Variants in CACNA1D observed in about 807,000 individuals in gnomAD.
CACNA1D encodes calcium voltage-gated channel subunit alpha1 D.
Under a neutral mutation model 257.1 loss-of-function variants are expected in CACNA1D, and 55 were observed. The observed-to-expected ratio is 0.21, with a 90% confidence interval of 0.17 to 0.27. The LOEUF is 0.27. Ranked by LOEUF, CACNA1D falls within the 10% of genes least tolerant of loss-of-function variation. The pLI is 1.00. For synonymous variants in CACNA1D, 980 were observed against 1,014.9 expected (o/e 0.97, Z 0.65); for missense variants, 1,876 against 2,784.0 (o/e 0.67, Z 7.34).
chr3:53,540,715 T>A (rs1310177586), intron 3 of CACNA1D, among the ~76,000 whole-genome samples: 1 of 152,232 alleles, frequency 6.6e-6, no homozygotes, highest in East Asian at 1.9e-4. Context: ...GCCAGTCGGC[T>A]TCATTCTTTG....
chr3:53,673,602 G>A lies in CACNA1D; in HGVS notation c.1220+476G>A. 1.2e-6 allele frequency: 1 copy of A among 817,018 alleles called. No homozygotes were observed. The highest frequency in any genetic ancestry group is 1.4e-5 in the South Asian group (1 of 73,444). The allele number at this position is 817,018 out of a possible 1,614,324, so 50.6% of individuals were successfully genotyped here. Reference sequence around the variant, plus strand: ...AGGGAAGGACCTAGGCCCAGTCCCTGTCCTAGGAGCACTAACCTTCAGCAA... The same window carrying A: ...AGGGAAGGACCTAGGCCCAGTCCCTATCCTAGGAGCACTAACCTTCAGCAA... On this transcript the variant is annotated intron_variant, in intron 8 of 47. Coordinates refer to ENST00000350061, the MANE Select transcript of CACNA1D (RefSeq NM_001128840.3). The surrounding 1 kb of genome is among the most constrained non-coding windows in gnomAD (Gnocchi z 4.1).
chr3:53,763,118 C>T lies in CACNA1D; in HGVS notation c.3870+1037C>T, dbSNP rs368986682. 1.2e-4 allele frequency among the ~76,000 whole-genome samples: 19 copies of T among 152,328 alleles called. No homozygotes were observed. The South Asian group carries it at 3.5e-3, about 28-fold the overall frequency. ...CTGCTGCTGGTGCCCTCACCTGTAC[C>T]GTGTCTGCTCTGAGTCTGACTGGTG... is the stretch of plus-strand genomic sequence containing the variant. On this transcript the variant is annotated intron_variant, in intron 30 of 47. Coordinates refer to ENST00000350061, the MANE Select transcript of CACNA1D (RefSeq NM_001128840.3).
At chr3:53,525,924 G>A (rs1575756901) in intron 3 of CACNA1D, among the ~76,000 whole-genome samples, 1 of 152,300 alleles carries the variant, frequency 6.6e-6, no homozygotes, top group African/African-American at 2.4e-5. Context: ...GATGTCACCA[G>A]GATCTGGTTT....
At position 53,687,049 on chromosome 3, in the gene CACNA1D, G is replaced by A. The variant is rs1315565066; in HGVS notation, c.1220+13923G>A. 3.3e-5 allele frequency among the ~76,000 whole-genome samples: 5 copies of A among 151,908 alleles called. No homozygotes were observed. The East Asian group carries it at 5.8e-4, about 18-fold the overall frequency. ...TTACCATCAAAAATTATTTACAATA[G>A]CATTCCTAATAGGAATGAATATAAG... On this transcript the variant is annotated intron_variant, in intron 8 of 47. Transcript: ENST00000350061.
rs557031268 is a variant in CACNA1D at position 53,495,820 on chromosome 3, T to C, written c.67+587T>C. On this transcript the variant is annotated intron_variant, in intron 1 of 47. Transcript: ENST00000350061. This position sits in a 1 kb window ranked among gnomAD's most constrained non-coding sequence, Gnocchi z 5.1. ...CCGTCGCCGGCTGTGCACACGTCGG[T>C]AACCTAGCAATGCCCGGGGAGCCGC... Among the ~76,000 whole-genome samples, 15 of 152,202 alleles carry C rather than the reference T, an allele frequency of 9.9e-5. No homozygotes were observed. In the South Asian group the frequency reaches 3.1e-3, roughly 32 times the overall value.
intron 11 of CACNA1D, among the ~76,000 whole-genome samples, chr3:53,720,875 A>G (rs2094876232): frequency 6.6e-6 from 1 of 152,232 alleles, no homozygotes; most frequent in Non-Finnish European, 1.5e-5. Context: ...TACCACGTTT[A>G]TATTTGGCCC....
chr3:53,775,033 A>C (rs1465508107), intron 34 of CACNA1D, among the ~76,000 whole-genome samples: 1 of 152,244 alleles, frequency 6.6e-6, no homozygotes, highest in Non-Finnish European at 1.5e-5. Flanking sequence ...CAAAAACGTC[A>C]AGGCCTTTTG....
chr3:53,547,102 G>A (rs1327249320), intron 3 of CACNA1D, among the ~76,000 whole-genome samples: 2 of 152,178 alleles, frequency 1.3e-5, no homozygotes, highest in East Asian at 1.9e-4. Context: ...GTTGAGTGAC[G>A]TGTCCAGGAT....
At chr3:53,711,263 A>C (rs1012887004) in intron 9 of CACNA1D, among the ~76,000 whole-genome samples, 2 of 152,300 alleles carry the variant, frequency 1.3e-5, no homozygotes, top group South Asian at 4.1e-4. Flanking sequence ...AATCAAAATA[A>C]ATAAAAATAG....
rs1469461764 is a variant in CACNA1D at position 53,774,442 on chromosome 3, A to G, written c.4111-145A>G. 4.5e-6 allele frequency: 3 copies of G among 669,758 alleles called. No individual in the cohort carries two copies. The highest frequency in any genetic ancestry group is 5.4e-6 in the Non-Finnish European group (2 of 367,840). 41.5% of individuals were successfully genotyped at this position (669,758 alleles called of 1,614,324 possible). ...CCTGGCACATGGTTGTGCCTGGCAG[A>G]TCTTTTTTGAATGAGTGAAGTGCCA... On this transcript the variant is annotated intron_variant, in intron 33 of 47. Coordinates refer to ENST00000350061, the MANE Select transcript of CACNA1D (RefSeq NM_001128840.3). The surrounding 1 kb of genome is among the most constrained non-coding windows in gnomAD (Gnocchi z 4.3).
intron 3 of CACNA1D, among the ~76,000 whole-genome samples, chr3:53,567,406 C>A (rs1248276430): frequency 6.6e-6 from 1 of 152,204 alleles, no homozygotes; most frequent in Non-Finnish European, 1.5e-5. Context: ...TAGACACACA[C>A]CCATTCCCTA....
rs2090314035 is a variant in CACNA1D at position 53,495,714 on chromosome 3, G to A, written c.67+481G>A. On this transcript the variant is annotated intron_variant, in intron 1 of 47. Coordinates refer to ENST00000350061, the MANE Select transcript of CACNA1D (RefSeq NM_001128840.3). The surrounding 1 kb of genome is among the most constrained non-coding windows in gnomAD (Gnocchi z 5.1). ...GGTTTCGCCCTCCGCGCCGGTGGGTGAAGCACACCCATCCCCTCGCGGGGG... is the reference window on the plus strand; with the variant it reads ...GGTTTCGCCCTCCGCGCCGGTGGGTAAAGCACACCCATCCCCTCGCGGGGG... Among the ~76,000 whole-genome samples, 2 of 152,266 alleles carry A rather than the reference G, an allele frequency of 1.3e-5. No individual in the cohort carries two copies. The highest frequency in any genetic ancestry group is 2.1e-4 in the South Asian group (1 of 4,838).
chr3:53,669,354 A>G lies in CACNA1D; in HGVS notation c.1116+2819A>G, dbSNP rs146619858. On this transcript the variant is annotated intron_variant, in intron 7 of 47. Coordinates refer to ENST00000350061, the MANE Select transcript of CACNA1D (RefSeq NM_001128840.3). ...GGGATGGTCATCATCCTTCAAGTGT[A>G]CCAGGCATATTGCCTCATTAGTGTA... Among the ~76,000 whole-genome samples, 6 of 152,398 alleles carry G rather than the reference A, an allele frequency of 3.9e-5. No individual in the cohort carries two copies. The East Asian group carries it at 1.2e-3, about 29-fold the overall frequency.
intron 3 of CACNA1D, among the ~76,000 whole-genome samples, chr3:53,628,651 T>C (rs975064848): frequency 1.3e-5 from 2 of 152,210 alleles, no homozygotes; most frequent in African/African-American, 4.8e-5. Context: ...CTTTTGTGCC[T>C]GCAATTCTGA....
At chr3:53,798,600 G>C (rs1321665603) in intron 40 of CACNA1D, among the ~76,000 whole-genome samples, 1 of 152,184 alleles carries the variant, frequency 6.6e-6, no homozygotes, top group African/African-American at 2.4e-5. Flanking sequence ...GGAAAGATCT[G>C]CTGCTCTATC....
In CACNA1D at chr3:53,794,922, C is replaced by A. The variant is rs977529873; in HGVS notation, c.4924-5327C>A. ...CTGCTTTGGGGGAATGCTACTAGGT[C>A]CCCCTAAAGGCAGAGGGTGCTGGAG... is the stretch of plus-strand genomic sequence containing the variant. On this transcript the variant is annotated intron_variant, in intron 40 of 47. Coordinates refer to ENST00000350061, the MANE Select transcript of CACNA1D (RefSeq NM_001128840.3). Among the ~76,000 whole-genome samples the A allele has an allele frequency of 2.0e-5, 3 of 152,316 alleles. No homozygotes were observed. In the East Asian group the frequency reaches 5.8e-4, roughly 29 times the overall value.
At position 53,811,381 on chromosome 3, in the gene CACNA1D, A is replaced by T; in HGVS notation, c.6461A>T (p.Glu2154Val). 3 of 1,578,712 alleles carry T rather than the reference A, an allele frequency of 1.9e-6. No homozygotes were observed. The highest frequency in any genetic ancestry group is 2.6e-6 in the Non-Finnish European group (3 of 1,159,328). The change falls in exon 48 of 48, where the codon GAA becomes GTA. Residue 2154 changes from glutamate (E) to valine (V), a missense_variant. Transcript: ENST00000350061. This position sits in a 1 kb window ranked among gnomAD's most constrained non-coding sequence, Gnocchi z 4.2. ...AGGGATGAGGAGGACCTGGCGGATG[A>T]AATGATATGCATCACCACCTTGTAG... ...PGRDEEDLAD[E>V]MICITTL
At chr3:53,496,813 AG>A (rs1300762485) in intron 1 of CACNA1D, among the ~76,000 whole-genome samples, 3 of 152,190 alleles carry the variant, frequency 2.0e-5, no homozygotes, top group African/African-American at 7.2e-5. Flanking sequence ...TTTACAAATC[AG>A]AGATGCGGAG....
At chr3:53,514,667 G>T (rs2091263735) in intron 3 of CACNA1D, among the ~76,000 whole-genome samples, 1 of 152,194 alleles carries the variant, frequency 6.6e-6, no homozygotes, top group Non-Finnish European at 1.5e-5. Context: ...CAGCAGTCCT[G>T]TGAGGTAGGT....
Sources: allele counts gnomAD v4.1 joint callset (sites outside exome capture counted in the v4.1 genomes callset), GRCh38; gene constraint gnomAD v4.1.1; non-coding constraint Gnocchi (gnomAD v3.1); transcripts MANE v1.5; gene names NCBI Gene and HGNC (gene_info 2026-07-23, HGNC 2026-07-21).